The following MYO9A variants were observed in gnomAD, a reference collection of about 807,000 sequenced individuals.
The protein encoded by MYO9A is unconventional myosin-IXa.
Under a neutral mutation model 293.3 loss-of-function variants are expected in MYO9A, and 103 were observed. The observed-to-expected ratio is 0.35, with a 90% CI of 0.30 to 0.41. The LOEUF (loss-of-function observed/expected upper bound fraction) is 0.41, where lower values mean the gene tolerates loss of function less well. Among genes scored for constraint, MYO9A ranks in the 10% least tolerant of loss-of-function variants. The pLI is 1.00. For missense variants in MYO9A, 2,685 were observed against 3,033.0 expected, an observed-to-expected ratio of 0.89 and a Z score of 2.69; for synonymous variants, 1,001 against 1,035.7, an observed-to-expected ratio of 0.97 and a Z score of 0.64.
At chr15:72,021,038 C>T in intron 4 of MYO9A, 21 bp from the exon 5 acceptor site, 1 of 1,462,518 alleles carries the variant, frequency 6.8e-7, no homozygotes. Context: ...CAAAGAAGTA[C>T]AAGTTTCATA....
Position 71,830,210 on chromosome 15 carries a change from A to G in MYO9A, c.6939T>C (p.Ser2313=). The G allele has an allele frequency of 1.2e-6, 2 of 1,614,062 alleles. No homozygotes were observed. The highest frequency in any genetic ancestry group is 1.7e-5 in the Admixed American group (1 of 59,996). The part of the protein sequence containing the change: ...VSDVSEETLT[S]EAAMETDITE... ...TGATGTCAGTCTCCATGGCTGCCTC[A>G]CTAGTCAAGGTCTCCTCTGAGACAT... Residue 2313 remains serine, a synonymous_variant, in exon 40 of 42, where the codon AGT becomes AGC. Transcript: ENST00000356056.
At chr15:71,845,733 T>TTTTA (rs1006342142) in intron 39 of MYO9A, among the ~76,000 whole-genome samples, 10 of 152,348 alleles carry the variant, frequency 6.6e-5, no homozygotes, top group Middle Eastern at 3.4e-3. Flanking sequence ...TGTAAATTAA[T>TTTTA]TTTATTTACT....
At chr15:71,941,937 T>C (rs1469668637) in intron 15 of MYO9A, among the ~76,000 whole-genome samples, 1 of 152,086 alleles carries the variant, frequency 6.6e-6, no homozygotes, top group African/African-American at 2.4e-5. Context: ...CATAAGTATT[T>C]ACTGAGGAAT....
intron 6 of MYO9A, among the ~76,000 whole-genome samples, chr15:72,014,716 G>A (rs1479746959): frequency 1.7e-5 from 2 of 118,140 alleles, no homozygotes; most frequent in African/African-American, 3.2e-5. Flanking sequence ...GAAAAGAAAA[G>A]AAAAGAAGAG....
intron 40 of MYO9A, 122 bp downstream of exon 40, chr15:71,829,987 G>C (rs2054651809): frequency 1.9e-6 from 2 of 1,032,022 alleles, no homozygotes; most frequent in Admixed American, 4.2e-5. Flanking sequence ...AACATCTCCT[G>C]TATCATCTGA....
chr15:72,081,019 G>A (rs938928278), intron 1 of MYO9A, among the ~76,000 whole-genome samples: 16 of 152,196 alleles, frequency 1.1e-4, no homozygotes, highest in Non-Finnish European at 1.9e-4. Context: ...GTGCTGCAGT[G>A]AACAAACACA....
intron 33 of MYO9A, among the ~76,000 whole-genome samples, chr15:71,860,994 A>AAAAAAAAAAAAC (rs2056098678): frequency 7.0e-6 from 1 of 142,406 alleles, no homozygotes; most frequent in African/African-American, 2.7e-5. Context: ...AAAAAAAAAA[A>AAAAAAAAAAAAC]TCAAACCAGC....
At chr15:72,014,726 GAA>G (rs1491528191) in intron 6 of MYO9A, among the ~76,000 whole-genome samples, 30 of 137,070 alleles carry the variant, frequency 2.2e-4, no homozygotes, top group Non-Finnish European at 4.3e-4. Context: ...GAAAAGAAGA[GAA>G]GAGAGAGAGA....
chr15:71,978,924 T>C (rs1396575237), intron 11 of MYO9A, among the ~76,000 whole-genome samples: 1 of 152,122 alleles, frequency 6.6e-6, no homozygotes, highest in East Asian at 1.9e-4. Flanking sequence ...CTATTCATCC[T>C]TGTGATACTT....
chr15:71,966,254 T>C (rs908732035), intron 13 of MYO9A, among the ~76,000 whole-genome samples: 2 of 124,456 alleles, frequency 1.6e-5, no homozygotes, highest in African/African-American at 6.8e-5. Flanking sequence ...CGCAGATGAA[T>C]ATCCCAGGCA....
At chr15:71,892,915 T>A in intron 26 of MYO9A, 1 of 1,110,280 alleles carries the variant, frequency 9.0e-7, no homozygotes. Context: ...TAGCAAAGAC[T>A]ATTTCCATCA....
intron 18 of MYO9A, among the ~76,000 whole-genome samples, chr15:71,925,189 GTATATA>G (rs2058263596): frequency 3.5e-4 from 1 of 2,838 alleles, no homozygotes; most frequent in Non-Finnish European, 1.5e-3. Flanking sequence ...ATATACATGT[GTATATA>G]TACACATATA....
intron 34 of MYO9A, among the ~76,000 whole-genome samples, chr15:71,859,007 T>C (rs1007616213): frequency 6.6e-6 from 1 of 152,222 alleles, no homozygotes; most frequent in African/African-American, 2.4e-5. Context: ...TTTTTTAGTA[T>C]TTGTCTGACA....
At chr15:72,106,086 AT>A (rs1364698107) in intron 1 of MYO9A, among the ~76,000 whole-genome samples, 2 of 152,218 alleles carry the variant, frequency 1.3e-5, no homozygotes, top group African/African-American at 4.8e-5. Flanking sequence ...CATATATTTT[AT>A]TTTTGAAAGA....
At chr15:72,046,752 C>CTT in intron 1 of MYO9A, 118 bp from the exon 2 acceptor site, 1 of 561,076 alleles carries the variant, frequency 1.8e-6, no homozygotes, top group Non-Finnish European at 2.9e-6. Context: ...AATACTAACT[C>CTT]TTGTCTTAGC....
chr15:72,059,587 A>G (rs1219019259), intron 1 of MYO9A, among the ~76,000 whole-genome samples: 2 of 152,222 alleles, frequency 1.3e-5, no homozygotes, highest in African/African-American at 2.4e-5. Flanking sequence ...AACTTACTAA[A>G]AGAAAAGAGG....
At chr15:71,920,876 G>A (rs1049736571) in intron 18 of MYO9A, among the ~76,000 whole-genome samples, 5 of 152,128 alleles carry the variant, frequency 3.3e-5, no homozygotes, top group African/African-American at 9.7e-5. Context: ...GAACCCAAGA[G>A]GCAAGCGGTC....
In MYO9A at chr15:72,092,910, TACACACACACACAC is replaced by T. The variant is rs59999448; in HGVS notation, c.-72+24756_-72+24769del. 2.8e-5 allele frequency among the ~76,000 whole-genome samples: 4 copies of T among 141,912 alleles called. No homozygotes were observed. The East Asian group carries it at 6.2e-4, about 22-fold the overall frequency. 93.1% of individuals were successfully genotyped at this position (141,912 alleles called of 152,430 possible). On this transcript the variant is annotated intron_variant, in intron 1 of 41. Coordinates refer to ENST00000356056, the MANE Select transcript of MYO9A (RefSeq NM_006901.4). Reference sequence around the variant, plus strand: ...CCACCACTTCAGCCACCACCTTACTTACACACACACACACACACACACACACACACACAGAGATT... The same window carrying T: ...CCACCACTTCAGCCACCACCTTACTTACACACACACACACACACAGAGATT...
chr15:71,951,715 G>C, intron 15 of MYO9A, 62 bp downstream of exon 15: 1 of 1,603,228 alleles, frequency 6.2e-7, no homozygotes. Flanking sequence ...GGTGTAGGAT[G>C]CTCCTGGTTT....
Sources: allele counts gnomAD v4.1 joint callset (sites outside exome capture counted in the v4.1 genomes callset), GRCh38; gene constraint gnomAD v4.1.1; transcripts MANE v1.5; gene names NCBI Gene and HGNC (gene_info 2026-07-23, HGNC 2026-07-21).